TRAPPC9: variants seen among roughly 807,000 people sequenced by gnomAD.
TRAPPC9 encodes the protein IKK2 binding protein.
A neutral mutation model predicts 124.0 loss-of-function variants in TRAPPC9; 83 were observed. That is an observed-to-expected ratio of 0.67 (90% CI 0.56 to 0.80). The LOEUF is 0.80. TRAPPC9 is among the 30% of genes least tolerant of loss of function. The pLI, the probability that TRAPPC9 is intolerant of heterozygous loss-of-function variation, is 0.00. For missense variants in TRAPPC9, 1,302 were observed against 1,508.3 expected (o/e 0.86, Z 2.27); for synonymous variants, 638 against 617.5 (o/e 1.03, Z -0.49).
rs994201192 is a variant in TRAPPC9, at chr8:139,960,889, G to A, written c.2810+27837C>T. ...TCCCAGTGGTGCCCGTGAGGAGCCA[G>A]TAGGGACAAATAATGGTTGTTCGGT... On this transcript the variant is annotated intron_variant, in intron 19 of 22. Transcript: ENST00000438773. 5.6e-5 allele frequency among the ~76,000 whole-genome samples: 7 copies of A among 125,526 alleles called. 3 individuals carry two copies. Among genetic ancestry groups the A allele is most frequent in the Non-Finnish European group, 1.1e-4 (6 of 52,516 alleles). 82.3% of individuals were successfully genotyped at this position (125,526 alleles called of 152,430 possible).
intron 21 of TRAPPC9, among the ~76,000 whole-genome samples, chr8:139,734,085 C>T (rs1283063750): frequency 1.3e-5 from 2 of 152,246 alleles, no homozygotes; most frequent in Non-Finnish European, 2.9e-5. Flanking sequence ...AGTCCCCACA[C>T]CCAATTCCCA....
At chr8:140,295,862 G>A (rs1303221835) in intron 11 of TRAPPC9, among the ~76,000 whole-genome samples, 1 of 152,134 alleles carries the variant, frequency 6.6e-6, no homozygotes, top group Non-Finnish European at 1.5e-5. Flanking sequence ...AGAAGCTATG[G>A]GATATAAATT....
intron 21 of TRAPPC9, among the ~76,000 whole-genome samples, chr8:139,769,453 C>A (rs1820807188): frequency 6.6e-6 from 1 of 152,192 alleles, no homozygotes; most frequent in South Asian, 2.1e-4. Context: ...GCATGACGGG[C>A]AAGATGTCAC....
intron 15 of TRAPPC9, among the ~76,000 whole-genome samples, chr8:140,261,685 A>G (rs1295484455): frequency 6.6e-6 from 1 of 152,184 alleles, no homozygotes; most frequent in African/African-American, 2.4e-5. Flanking sequence ...CTATAATTAT[A>G]GCACTATTCT....
chr8:139,856,305 C>A lies in TRAPPC9; in HGVS notation c.3055+29574G>T, dbSNP rs1827794380. On this transcript the variant is annotated intron_variant, in intron 21 of 22. Coordinates refer to ENST00000438773, the MANE Select transcript of TRAPPC9 (RefSeq NM_001160372.4). ...CCTCTTCCAGCCTTTGGCCACCTCT[C>A]CCTGCAACCACCTCAGGGTCAAGGC... Among the ~76,000 whole-genome samples the A allele has an allele frequency of 2.0e-5, 3 of 152,244 alleles. No homozygotes were observed. In the South Asian group the frequency reaches 6.2e-4, roughly 32 times the overall value.
At chr8:139,857,838 C>A (rs920902368) in intron 21 of TRAPPC9, among the ~76,000 whole-genome samples, 1 of 152,246 alleles carries the variant, frequency 6.6e-6, no homozygotes, top group Non-Finnish European at 1.5e-5. Flanking sequence ...GGTGGCCTGG[C>A]CAGGGACCCT....
intron 10 of TRAPPC9, among the ~76,000 whole-genome samples, chr8:140,301,252 T>C (rs2065967680): frequency 6.6e-6 from 1 of 152,246 alleles, no homozygotes; most frequent in Non-Finnish European, 1.5e-5. Flanking sequence ...ATCCCAGCTG[T>C]GGATGTCTGC....
chr8:139,926,615 A>T (rs1563927457), intron 19 of TRAPPC9, among the ~76,000 whole-genome samples: 2 of 151,728 alleles, frequency 1.3e-5, no homozygotes, highest in East Asian at 1.9e-4. Context: ...AATAAAAAAA[A>T]AAAAAAAACT....
intron 2 of TRAPPC9, among the ~76,000 whole-genome samples, chr8:140,445,111 C>T (rs957211924): frequency 6.6e-6 from 1 of 152,196 alleles, no homozygotes; most frequent in Non-Finnish European, 1.5e-5. Context: ...TTTGAATGCC[C>T]AACAGGCATC....
chr8:139,911,500 T>C (rs999128370), intron 19 of TRAPPC9, among the ~76,000 whole-genome samples: 4 of 151,804 alleles, frequency 2.6e-5, no homozygotes, highest in Non-Finnish European at 4.4e-5. Flanking sequence ...AGGTCAGGAG[T>C]TTGAGACCAG....
chr8:140,294,710 C>G (rs535777999), intron 11 of TRAPPC9, among the ~76,000 whole-genome samples: 81 of 151,542 alleles, frequency 5.3e-4, no homozygotes, highest in Non-Finnish European at 1.1e-3. Flanking sequence ...CGGGTTCAAA[C>G]GAGTCTCCTG....
At chr8:140,042,205 ATGTGTGTG>A (rs57584807) in intron 17 of TRAPPC9, among the ~76,000 whole-genome samples, 11,101 of 149,570 alleles carry the variant, frequency 0.074, 592 homozygotes, top group African/African-American at 0.15. Flanking sequence ...AAAAAAGTGT[ATGTGTGTG>A]TGTGTGTGTG....
At chr8:140,033,735 G>A (rs890851573) in intron 17 of TRAPPC9, among the ~76,000 whole-genome samples, 3 of 129,396 alleles carry the variant, frequency 2.3e-5, no homozygotes, top group Admixed American at 1.9e-4. Flanking sequence ...AGGCTGGAGT[G>A]CAGGGGCGTG....
intron 4 of TRAPPC9, among the ~76,000 whole-genome samples, chr8:140,432,198 A>G (rs773361258): frequency 2.0e-5 from 3 of 151,390 alleles, no homozygotes; most frequent in Admixed American, 6.6e-5. Context: ...CAGGTTGCTG[A>G]AAAAAAAAGG....
chr8:140,302,210 G>T (rs956266414), intron 10 of TRAPPC9, among the ~76,000 whole-genome samples: 1 of 152,104 alleles, frequency 6.6e-6, no homozygotes, highest in African/African-American at 2.4e-5. Flanking sequence ...TGCCACATGC[G>T]TGGTTCTCAC....
At chr8:140,078,974 A>G (rs139902394) in intron 17 of TRAPPC9, among the ~76,000 whole-genome samples, 223 of 152,266 alleles carry the variant, frequency 1.5e-3, no homozygotes, top group African/African-American at 5.0e-3. Flanking sequence ...TGTAGCTCCC[A>G]TAATTCCCAT....
chr8:140,394,793 T>A (rs904185572), intron 7 of TRAPPC9, among the ~76,000 whole-genome samples: 1 of 152,096 alleles, frequency 6.6e-6, no homozygotes, highest in African/African-American at 2.4e-5. Context: ...GCTCAGAGGC[T>A]CCTCAGCACC....
At chr8:139,752,042 C>T (rs1230799643) in intron 21 of TRAPPC9, among the ~76,000 whole-genome samples, 1 of 150,672 alleles carries the variant, frequency 6.6e-6, no homozygotes, top group Non-Finnish European at 1.5e-5. Context: ...CATCCATTCA[C>T]CCATCCATCT....
Position 140,284,030 on chromosome 8 carries a change from G to C in TRAPPC9, c.1982-9C>G, listed in dbSNP as rs758604818. Reference sequence around the variant, plus strand: ...GACCGTGGTATGGTAACCTGGAATAGAAAAGGAACTTCTTCACTCCACTGG... The same window carrying C: ...GACCGTGGTATGGTAACCTGGAATACAAAAGGAACTTCTTCACTCCACTGG... On this transcript the variant is annotated splice_polypyrimidine_tract_variant and intron_variant, in intron 13 of 22. Transcript: ENST00000438773. 4 of 1,613,964 alleles carry C rather than the reference G, an allele frequency of 2.5e-6. No homozygotes were observed. The Admixed American group carries it at 6.7e-5, about 27-fold the overall frequency.
Sources: allele counts gnomAD v4.1 joint callset (sites outside exome capture counted in the v4.1 genomes callset), GRCh38; gene constraint gnomAD v4.1.1; transcripts MANE v1.5; gene names NCBI Gene and HGNC (gene_info 2026-07-23, HGNC 2026-07-21).